Variants in TDRKH observed in about 807,000 individuals in gnomAD.
TDRKH encodes the protein tudor and KH domain-containing protein.
In TDRKH, 28 loss-of-function variants were observed where a neutral mutation model predicts 61.3. That is an observed-to-expected ratio of 0.46 (90% CI 0.34 to 0.63). The LOEUF (loss-of-function observed/expected upper bound fraction) is 0.63. Ranked by LOEUF, TDRKH falls within the 20% of genes least tolerant of loss-of-function variation. TDRKH has a pLI of 0.01. For missense variants in TDRKH, 540 were observed against 683.4 expected (o/e 0.79, Z 2.34); for synonymous variants, 219 against 244.4 (o/e 0.90, Z 0.97).
rs1649054168 is a variant in TDRKH, at chr1:151,775,308, A to G, written c.1434+84T>C. The G allele has an allele frequency of 1.7e-5, 26 of 1,557,138 alleles. No homozygotes were observed. In the Middle Eastern group the frequency reaches 7.0e-4, roughly 42 times the overall value. On this transcript the variant is annotated intron_variant, in intron 10 of 12. Transcript: ENST00000368824. The stretch of plus-strand genomic sequence containing the variant: ...GATCTTACAGTAAGAGTAATATCAG[A>G]TAAGGGTTTCTGAGGAAGAAAAAGT...
At chr1:151,784,404 T>G (rs1476565394) in intron 1 of TDRKH, among the ~76,000 whole-genome samples, 1 of 152,144 alleles carries the variant, frequency 6.6e-6, no homozygotes, top group African/African-American at 2.4e-5. Context: ...AAAACTCGAG[T>G]GTCAATATAT....
intron 3 of TDRKH, among the ~76,000 whole-genome samples, 153 bp downstream of exon 3, chr1:151,781,328 A>AAAAATATATATATATATATATATATATAT (rs1491536697): frequency 2.9e-5 from 2 of 68,586 alleles, no homozygotes; most frequent in Non-Finnish European, 6.8e-5. Context: ...AAAAAAAAAA[A>AAAAATATATATATATATATATATATATAT]ATATATATAT....
At chr1:151,779,928 T>C (rs1649588084) in intron 4 of TDRKH, 23 bp downstream of exon 4, 2 of 1,593,496 alleles carry the variant, frequency 1.3e-6, no homozygotes, top group Non-Finnish European at 1.7e-6. Context: ...AAGGAAACAA[T>C]AGAGGAAGCC....
Position 151,774,448 on chromosome 1 carries a change from G to C in TDRKH, c.*4C>G. On this transcript the variant is annotated 3_prime_UTR_variant, in exon 13 of 13. Coordinates refer to ENST00000368824, the MANE Select transcript of TDRKH (RefSeq NM_001083965.2). ...AGATGGCTGAGCAAACTGAAGCCCAGACTTCAGAGTAAGTAGTCATCTTCA... is the reference window on the plus strand; with the variant it reads ...AGATGGCTGAGCAAACTGAAGCCCACACTTCAGAGTAAGTAGTCATCTTCA... 6.2e-7 allele frequency: 1 copy of C among 1,614,058 alleles called. No homozygotes were observed. The highest frequency in any genetic ancestry group is 8.5e-7 in the Non-Finnish European group (1 of 1,179,960).
chr1:151,769,770 T>G (rs1648569893), downstream of TDRKH, among the ~76,000 whole-genome samples: 1 of 152,140 alleles, frequency 6.6e-6, no homozygotes, highest in Non-Finnish European at 1.5e-5. Flanking sequence ...GCCACTGCAC[T>G]CCAGCCTGGG....
chr1:151,778,681 A>T lies in TDRKH; in HGVS notation c.883+4T>A. 6.2e-7 allele frequency: 1 copy of T among 1,611,476 alleles called. No individual in the cohort carries two copies. The highest frequency in any genetic ancestry group is 8.5e-7 in the Non-Finnish European group (1 of 1,178,886). On this transcript the variant is annotated splice_donor_region_variant and intron_variant, in intron 6 of 12. Coordinates refer to ENST00000368824, the MANE Select transcript of TDRKH (RefSeq NM_001083965.2). ...GATTAATGGGCTCCCTCTTTGTTAC[A>T]TACTTTCAAACATGGGCATCTCTGG...
chr1:151,770,457 C>A, downstream of TDRKH: 2 of 686,438 alleles, frequency 2.9e-6, no homozygotes, highest in Non-Finnish European at 4.5e-6. Context: ...GAAGCCCCTG[C>A]AGGTGGTGTT....
chr1:151,772,992 T>C (rs1009590071), downstream of TDRKH, among the ~76,000 whole-genome samples: 2 of 152,046 alleles, frequency 1.3e-5, no homozygotes, highest in South Asian at 4.1e-4. Context: ...GCCTCCCAAA[T>C]AGCTGGGATT....
At chr1:151,778,129 T>C (rs1317748774) in intron 6 of TDRKH, among the ~76,000 whole-genome samples, 1 of 152,166 alleles carries the variant, frequency 6.6e-6, no homozygotes, top group African/African-American at 2.4e-5. Flanking sequence ...TCCAAGCTCC[T>C]GTGCATTCTC....
Position 151,774,375 on chromosome 1 carries a change from C to T in TDRKH, c.*77G>A. On this transcript the variant is annotated 3_prime_UTR_variant, in exon 13 of 13. Coordinates refer to ENST00000368824, the MANE Select transcript of TDRKH (RefSeq NM_001083965.2). Reference sequence around the variant, plus strand: ...AAGTGCCCCACTGTCGCCCTCATTACTTTCCTGTTGCTACAGATAGATGAT... The same window carrying T: ...AAGTGCCCCACTGTCGCCCTCATTATTTTCCTGTTGCTACAGATAGATGAT... 6.5e-7 allele frequency: 1 copy of T among 1,536,108 alleles called. No homozygotes were observed. The highest frequency in any genetic ancestry group is 8.9e-7 in the Non-Finnish European group (1 of 1,119,004).
At chr1:151,784,808 T>A (rs1278683244) in intron 1 of TDRKH, among the ~76,000 whole-genome samples, 4 of 152,142 alleles carry the variant, frequency 2.6e-5, no homozygotes, top group African/African-American at 9.7e-5. Flanking sequence ...ATAGATCCAT[T>A]TAGGACCTTT....
At position 151,781,592 on chromosome 1, in the gene TDRKH, A is replaced by G. The variant is rs1316592894; in HGVS notation, c.125-5T>C. The G allele has an allele frequency of 1.2e-6, 2 of 1,612,570 alleles. No individual in the cohort carries two copies. The highest frequency in any genetic ancestry group is 1.7e-6 in the Non-Finnish European group (2 of 1,179,202). On this transcript the variant is annotated splice_polypyrimidine_tract_variant and splice_region_variant and intron_variant, in intron 2 of 12. Transcript: ENST00000368824. ...CAACAAATGTCAGCCGCTCTTCTGC[A>G]CAGATCATTGTTCATCAGATCAGAC...
intron 1 of TDRKH, among the ~76,000 whole-genome samples, chr1:151,786,408 G>A (rs1389639318): frequency 6.6e-6 from 1 of 152,192 alleles, no homozygotes; most frequent in Non-Finnish European, 1.5e-5. Flanking sequence ...GACAAAGGCA[G>A]GATTCTCGTC....
Position 151,783,000 on chromosome 1 carries a change from C to G in TDRKH, c.23G>C (p.Trp8Ser). The change falls in exon 2 of 13, where the codon TGG (tryptophan) becomes TCG (serine). Residue 8 changes from tryptophan to serine, a missense_variant. Physicochemically the swap from Trp to Ser is radical, Grantham distance 177 (BLOSUM62 -3). Coordinates refer to ENST00000368824, the MANE Select transcript of TDRKH (RefSeq NM_001083965.2). ...TTTCTGAATGGTGGACAGGCTTGTC[C>G]AAGAAGTCCGTTCAGTAGACATTTT... MSTERTS[W>S]TSLSTIQKIA... is the part of the protein sequence containing the mutation. 1.9e-6 allele frequency: 3 copies of G among 1,613,388 alleles called. No homozygotes were observed. The East Asian group carries it at 6.7e-5, about 36-fold the overall frequency.
chr1:151,778,127 C>G (rs1322073505), intron 6 of TDRKH, among the ~76,000 whole-genome samples: 3 of 152,106 alleles, frequency 2.0e-5, no homozygotes, highest in African/African-American at 7.2e-5. Context: ...CCTCCAAGCT[C>G]CTGTGCATTC....
At position 151,781,537 on chromosome 1, in the gene TDRKH, C is replaced by A. The variant is rs1264133626; in HGVS notation, c.175G>T (p.Val59Phe). 6.2e-7 allele frequency: 1 copy of A among 1,613,474 alleles called. No individual in the cohort carries two copies. The highest frequency in any genetic ancestry group is 1.7e-5 in the Admixed American group (1 of 59,934). Residue 59 changes from valine to phenylalanine, a missense_variant, in exon 3 of 13, where the codon GTT becomes TTT. Around this residue, in one of 3 missense-constraint regions of TDRKH, gnomAD observed 156 missense variants for 218.0 expected, o/e 0.72. Coordinates refer to ENST00000368824, the MANE Select transcript of TDRKH (RefSeq NM_001083965.2). ...ATGAGTTTCACAGCCTCCTGGGGAA[C>A]CCGCATCTCTATCTCAATGTCATCT... ...GEDDIEIEMRVPQEAVKLIIG... is the reference protein window; with the variant it reads ...GEDDIEIEMRFPQEAVKLIIG...
chr1:151,773,400 G>A (rs746495441), downstream of TDRKH: 5 of 152,610 alleles, frequency 3.3e-5, no homozygotes, highest in Admixed American at 6.5e-5. Flanking sequence ...TCATAGATGT[G>A]ATCCTTTCTG....
intron 7 of TDRKH, 39 bp downstream of exon 7, chr1:151,776,400 T>G (rs1477634465): frequency 3.1e-6 from 5 of 1,607,596 alleles, no homozygotes; most frequent in African/African-American, 1.3e-5. Context: ...ATATGCCTTC[T>G]TTTCATTAAA....
chr1:151,778,012 C>G lies in TDRKH; in HGVS notation c.883+673G>C, dbSNP rs185809845. Among the ~76,000 whole-genome samples the G allele has an allele frequency of 2.3e-4, 35 of 152,102 alleles. No homozygotes were observed. The East Asian group carries it at 3.7e-3, about 16-fold the overall frequency. On this transcript the variant is annotated intron_variant, in intron 6 of 12. Coordinates refer to ENST00000368824, the MANE Select transcript of TDRKH (RefSeq NM_001083965.2). ...TCATTTGTTCTGTTACAGAAACTAACCTAAAAGGTTGGAAATTAAAGAATA... is the reference window on the plus strand; with the variant it reads ...TCATTTGTTCTGTTACAGAAACTAAGCTAAAAGGTTGGAAATTAAAGAATA...
Sources: allele counts gnomAD v4.1 joint callset (sites outside exome capture counted in the v4.1 genomes callset), GRCh38; gene constraint gnomAD v4.1.1; regional missense constraint gnomAD v4.1.1; transcripts MANE v1.5; gene names NCBI Gene and HGNC (gene_info 2026-07-23, HGNC 2026-07-21).